The following HSPA4 variants were observed in gnomAD, a reference collection of about 807,000 sequenced individuals.
The protein encoded by HSPA4 is heat shock 70 kDa protein 4.
In HSPA4, 25 loss-of-function variants were observed where a neutral mutation model predicts 106.2. That is an observed-to-expected ratio of 0.24 (90% CI 0.17 to 0.33). HSPA4 has a LOEUF of 0.33. HSPA4 is among the 10% of genes least tolerant of loss of function. The probability of loss-of-function intolerance (pLI) is 1.00; values close to 1 mark genes in which losing one functional copy is unlikely to be tolerated. For missense variants in HSPA4, 841 were observed against 996.0 expected, an observed-to-expected ratio of 0.84 and a Z score of 2.10; for synonymous variants, 332 against 333.6, an observed-to-expected ratio of 1.00 and a Z score of 0.05.
intron 5 of HSPA4, 92 bp from the exon 6 acceptor site, chr5:133,073,901 C>A: frequency 1.4e-6 from 1 of 730,076 alleles, no homozygotes; most frequent in Non-Finnish European, 2.1e-6. Context: ...CATGTAGTTG[C>A]ATTCGTTATA....
chr5:133,061,930 G>A lies in HSPA4; in HGVS notation c.108-3050G>A, dbSNP rs147576373. On this transcript the variant is annotated intron_variant, in intron 1 of 18. Transcript: ENST00000304858. ...ATTACAGACGTGAGCCACCGTGCCC[G>A]GTAAACGATTACTTTTTATTTGGGG... Among the ~76,000 whole-genome samples the A allele has an allele frequency of 1.7e-3, 260 of 152,250 alleles. 1 individual carries two copies. The highest frequency in any genetic ancestry group is 1.7e-3 in the African/African-American group (71 of 41,550).
chr5:133,085,205 C>T (rs544070872), intron 7 of HSPA4, among the ~76,000 whole-genome samples: 2 of 151,638 alleles, frequency 1.3e-5, no homozygotes, highest in Admixed American at 1.3e-4. Context: ...AATTTTAGAA[C>T]GTTTTCATTA....
intron 4 of HSPA4, 52 bp from the exon 5 acceptor site, chr5:133,073,178 T>C (rs1581470250): frequency 8.9e-7 from 1 of 1,119,940 alleles, no homozygotes; most frequent in Non-Finnish European, 1.3e-6. Flanking sequence ...TGGATTTTAC[T>C]AACTAAAATT....
intron 2 of HSPA4, among the ~76,000 whole-genome samples, chr5:133,065,988 A>G (rs1245124666): frequency 6.6e-6 from 1 of 152,220 alleles, no homozygotes. Flanking sequence ...TGCTTGGCCA[A>G]TTGGTTTTTA....
chr5:133,090,891 T>C (rs1298047822), intron 11 of HSPA4, among the ~76,000 whole-genome samples: 1 of 152,136 alleles, frequency 6.6e-6, no homozygotes, highest in Non-Finnish European at 1.5e-5. Context: ...CAAATCTGTT[T>C]TAGGAATTAA....
intron 1 of HSPA4, among the ~76,000 whole-genome samples, chr5:133,063,196 A>G (rs1765266570): frequency 6.6e-6 from 1 of 152,068 alleles, no homozygotes; most frequent in South Asian, 2.1e-4. Context: ...TCCTGGGTTC[A>G]GGTGATCCTC....
At chr5:133,092,578 A>T in intron 12 of HSPA4, 122 bp from the exon 13 acceptor site, 1 of 701,780 alleles carries the variant, frequency 1.4e-6, no homozygotes. Flanking sequence ...CTGGAATTTT[A>T]GCATAGGCCT....
chr5:133,055,032 C>T (rs369257025), intron 1 of HSPA4, among the ~76,000 whole-genome samples: 7 of 152,256 alleles, frequency 4.6e-5, no homozygotes, highest in African/African-American at 1.7e-4. Context: ...ACAATTATAC[C>T]ATGAATTCTA....
At position 133,100,528 on chromosome 5, in the gene HSPA4, G is replaced by T. The variant is rs1216971841; in HGVS notation, c.2037+876G>T. On this transcript the variant is annotated intron_variant, in intron 16 of 18. Transcript: ENST00000304858. ...TCTCCTGCCTCAGCCTCCCAAGCGC[G>T]GTGGCTCATGCCTGTAATCCCAGCA... 2.0e-5 allele frequency among the ~76,000 whole-genome samples: 3 copies of T among 152,108 alleles called. 1 individual carries two copies. The highest frequency in any genetic ancestry group is 2.0e-4 in the Admixed American group (3 of 15,290).
At chr5:133,070,255 A>G (rs993936797) in intron 3 of HSPA4, 119 bp from the exon 4 acceptor site, 26 of 961,862 alleles carry the variant, frequency 2.7e-5, no homozygotes, top group Admixed American at 8.1e-5. Context: ...TTTTTTTTCA[A>G]TCCCCTCTTG....
intron 3 of HSPA4, among the ~76,000 whole-genome samples, chr5:133,067,972 C>T (rs1487162114): frequency 6.6e-6 from 1 of 151,520 alleles, no homozygotes; most frequent in Admixed American, 6.6e-5. Flanking sequence ...GGCTCACTGC[C>T]ACCTCTGCCT....
In HSPA4 at chr5:133,055,014, T is replaced by C. The variant is rs1032380377; in HGVS notation, c.107+2657T>C. Among the ~76,000 whole-genome samples, 17 of 152,300 alleles carry C rather than the reference T, an allele frequency of 1.1e-4. No individual in the cohort carries two copies. The East Asian group carries it at 3.3e-3, about 29-fold the overall frequency. On this transcript the variant is annotated intron_variant, in intron 1 of 18. Transcript: ENST00000304858. The stretch of plus-strand genomic sequence containing the variant: ...TCCTGTTTTTCTTTTAGAAAGACAA[T>C]AGCTACAACAATTATACCATGAATT...
chr5:133,052,700 C>T (rs933473691), intron 1 of HSPA4: 2 of 251,778 alleles, frequency 7.9e-6, no homozygotes, highest in African/African-American at 2.2e-5. Flanking sequence ...AGGGCAGAGA[C>T]CAGGCCCAGG....
intron 6 of HSPA4, chr5:133,076,097 C>T (rs1222922829): frequency 6.5e-6 from 1 of 152,854 alleles, no homozygotes; most frequent in African/African-American, 2.4e-5. Context: ...CTAATTAGAT[C>T]TAGTTTGCTT....
At chr5:133,082,707 C>G (rs1765527522) in intron 7 of HSPA4, among the ~76,000 whole-genome samples, 1 of 152,194 alleles carries the variant, frequency 6.6e-6, no homozygotes, top group Non-Finnish European at 1.5e-5. Context: ...CTCGGCCACC[C>G]TCCTCAGACT....
At chr5:133,073,446 C>A (rs918086589) in intron 5 of HSPA4, 117 bp downstream of exon 5, 10 of 659,686 alleles carry the variant, frequency 1.5e-5, no homozygotes, top group Non-Finnish European at 2.4e-5. Context: ...TCTTGCTTAC[C>A]ACTGTGGTCA....
At chr5:133,102,962 G>T (rs918743709) in intron 17 of HSPA4, among the ~76,000 whole-genome samples, 1 of 128,452 alleles carries the variant, frequency 7.8e-6, no homozygotes, top group Non-Finnish European at 1.6e-5. Context: ...ACCCAGGCTG[G>T]TCTTGAACTT....
At chr5:133,090,864 T>C (rs1360960302) in intron 11 of HSPA4, among the ~76,000 whole-genome samples, 1 of 152,176 alleles carries the variant, frequency 6.6e-6, no homozygotes, top group East Asian at 1.9e-4. Flanking sequence ...GTTTTGTTTT[T>C]TGAGTAGAGA....
chr5:133,074,232 A>ACCTTACAG, intron 6 of HSPA4, 106 bp downstream of exon 6: 1 of 668,588 alleles, frequency 1.5e-6, no homozygotes, highest in Non-Finnish European at 2.5e-6. Context: ...AACAATGCAT[A>ACCTTACAG]CCTTACAGGG....
Sources: gnomAD v4.1 joint callset for allele counts (sites outside exome capture counted in the v4.1 genomes callset) on GRCh38, gnomAD v4.1.1 for gene constraint, MANE v1.5 for transcripts, NCBI Gene and HGNC (gene_info 2026-07-23, HGNC 2026-07-21) for gene names.